The following NCAPG variants were observed in gnomAD, a reference collection of about 807,000 sequenced individuals.
The protein encoded by NCAPG is non-SMC condensin I complex subunit G.
Under a neutral mutation model 113.1 loss-of-function variants are expected in NCAPG, and 69 were observed. The observed-to-expected ratio is 0.61, with a 90% CI of 0.50 to 0.75. The LOEUF (loss-of-function observed/expected upper bound fraction) is 0.75. Ranked by LOEUF, NCAPG falls within the 30% of genes least tolerant of loss-of-function variation. The pLI is 0.00. For missense variants in NCAPG, 1,058 were observed against 1,177.0 expected, an observed-to-expected ratio of 0.90 and a Z score of 1.48; for synonymous variants, 370 against 415.8, an observed-to-expected ratio of 0.89 and a Z score of 1.34.
Position 17,837,706 on chromosome 4 carries a change from G to T in NCAPG, c.2371G>T (p.Ala791Ser). Residue 791 changes from alanine to serine, a missense_variant, in exon 16 of 21, where the codon GCT (alanine) becomes TCT (serine). Transcript: ENST00000251496. Reference protein sequence around the residue: ...LANAPASSPLAEIDITNVAEL... With the variant: ...LANAPASSPLSEIDITNVAEL... ...CAATGCCCCTGCATCTTCTCCTTTA[G>T]CTGAAATTGATATCACAAATGTTGC... 1 of 1,613,946 alleles carries T rather than the reference G, an allele frequency of 6.2e-7. No homozygotes were observed.
intron 6 of NCAPG, 83 bp from the exon 7 acceptor site, chr4:17,817,856 C>A: frequency 7.3e-7 from 1 of 1,360,688 alleles, no homozygotes; most frequent in Non-Finnish European, 9.8e-7. Context: ...TAAAGCAAAT[C>A]TTATTATTCT....
chr4:17,834,379 A>G lies in NCAPG; in HGVS notation c.1965A>G (p.Glu655=). The change falls in exon 14 of 21, where the codon GAA becomes GAG. Residue 655 remains glutamate, a synonymous_variant. Coordinates refer to ENST00000251496, the MANE Select transcript of NCAPG (RefSeq NM_022346.5). The stretch of plus-strand genomic sequence containing the variant: ...ACCAACTGATGACGTTCGGGATTGA[A>G]CCATTTAAAACTAAAAAAATCAAAA... ...IFDQLMTFGI[E]PFKTKKIKTL... is the part of the protein sequence containing the mutation. 6.2e-7 allele frequency: 1 copy of G among 1,610,270 alleles called. No individual in the cohort carries two copies. The highest frequency in any genetic ancestry group is 1.3e-5 in the African/African-American group (1 of 74,940).
At chr4:17,840,719 T>A (rs16895868) in intron 19 of NCAPG, 26 bp downstream of exon 19, 2 of 1,389,026 alleles carry the variant, frequency 1.4e-6, no homozygotes, top group Non-Finnish European at 1.9e-6. Context: ...ACCATCTTTA[T>A]GATAAAAGTT....
At chr4:17,834,752 A>G (rs1471514282) in intron 14 of NCAPG, among the ~76,000 whole-genome samples, 27 of 152,018 alleles carry the variant, frequency 1.8e-4, no homozygotes, top group Non-Finnish European at 7.4e-5. Flanking sequence ...CTATCCCCTG[A>G]TAGGTCCCAG....
intron 14 of NCAPG, among the ~76,000 whole-genome samples, chr4:17,835,090 T>C (rs555344605): frequency 1.3e-5 from 2 of 152,342 alleles, no homozygotes; most frequent in South Asian, 2.1e-4. Flanking sequence ...GGGTATGGGA[T>C]TGGATCTCTT....
At position 17,811,648 on chromosome 4, in the gene NCAPG, C is replaced by A. The variant is rs977582396; in HGVS notation, c.111+460C>A. On this transcript the variant is annotated intron_variant, in intron 1 of 20. Coordinates refer to ENST00000251496, the MANE Select transcript of NCAPG (RefSeq NM_022346.5). The surrounding 1 kb of genome is among the most constrained non-coding windows in gnomAD (Gnocchi z 5.3). ...CCTTGTCCTACGGTTACGTTGAATC[C>A]AATCACCAAATACCAAATTATTTTT... 1.3e-5 allele frequency among the ~76,000 whole-genome samples: 2 copies of A among 152,190 alleles called. No individual in the cohort carries two copies. The highest frequency in any genetic ancestry group is 2.9e-5 in the Non-Finnish European group (2 of 68,036).
chr4:17,831,095 A>G lies in NCAPG; in HGVS notation c.1863A>G (p.Lys621=). The G allele has an allele frequency of 6.2e-7, 1 of 1,613,484 alleles. No individual in the cohort carries two copies. Reference sequence around the variant, plus strand: ...TACAGAATCAGGATTTTGCAAGGAAACACTTCGTATTACTATTGCAGGTAG... The same window carrying G: ...TACAGAATCAGGATTTTGCAAGGAAGCACTTCGTATTACTATTGCAGGTAG... The part of the protein sequence containing the change: ...CGLQNQDFAR[K]HFVLLLQVLQ... Residue 621 remains lysine, a synonymous_variant, in exon 13 of 21, where the codon AAA becomes AAG. Transcript: ENST00000251496.
At chr4:17,836,479 C>T (rs987037050) in intron 14 of NCAPG, among the ~76,000 whole-genome samples, 1 of 151,958 alleles carries the variant, frequency 6.6e-6, no homozygotes, top group Non-Finnish European at 1.5e-5. Context: ...GTTGCTTCTG[C>T]TTTTGGTGTC....
intron 11 of NCAPG, among the ~76,000 whole-genome samples, chr4:17,827,782 A>T (rs1412341040): frequency 6.6e-6 from 1 of 150,406 alleles, no homozygotes; most frequent in Non-Finnish European, 1.5e-5. Flanking sequence ...TTGAGGTGAT[A>T]ATTAGGCAAG....
At chr4:17,832,254 G>A (rs1165264688) in intron 13 of NCAPG, among the ~76,000 whole-genome samples, 2 of 152,158 alleles carry the variant, frequency 1.3e-5, no homozygotes, top group South Asian at 2.1e-4. Flanking sequence ...ATGGAAGCAG[G>A]GATACTAATA....
Position 17,842,308 on chromosome 4 carries a change from AG to A in NCAPG, c.2855del. The stretch of plus-strand genomic sequence containing the variant: ...CTGATAATGAATTATACTATCTTCA[AG>A]GACAGAGAAAAGTGACAGTTTCAGC... On this transcript the variant is annotated splice_acceptor_variant, in intron 19 of 20. Coordinates refer to ENST00000251496, the MANE Select transcript of NCAPG (RefSeq NM_022346.5). LOFTEE classifies it high-confidence loss of function. 1 of 1,611,410 alleles carries A rather than the reference AG, an allele frequency of 6.2e-7. No homozygotes were observed.
rs769692325 is a variant in NCAPG at position 17,814,873 on chromosome 4, A to C, written c.565A>C (p.Asn189His). 2 of 1,614,198 alleles carry C rather than the reference A, an allele frequency of 1.2e-6. No individual in the cohort carries two copies. Among genetic ancestry groups the C allele is most frequent in the Non-Finnish European group, 1.7e-6 (2 of 1,180,020 alleles). ...VVNAYATLIE[N>H]DSNPEVRRAV... ...TTTAGCATATGCTACTTTGATTGAA[A>C]ATGATTCAAATCCAGAAGTTAGACG... is the stretch of plus-strand genomic sequence containing the variant. Residue 189 changes from asparagine (N) to histidine (H), a missense_variant, in exon 4 of 21, where the codon AAT becomes CAT. Transcript: ENST00000251496.
rs1721251813 is a variant in NCAPG at position 17,817,343 on chromosome 4, T to A, written c.858T>A (p.His286Gln). 6.2e-7 allele frequency: 1 copy of A among 1,614,002 alleles called. No homozygotes were observed. Residue 286 changes from histidine (H) to glutamine (Q), a missense_variant, in exon 6 of 21, where the codon CAT becomes CAA. His to Gln is a conservative substitution (Grantham distance 24). Coordinates refer to ENST00000251496, the MANE Select transcript of NCAPG (RefSeq NM_022346.5). ...AAGGAAATATCTTAGAGTTGCTCCA[T>A]CGGTTGGATGTAGAAAATTCTTCTG... ...FSEGNILELL[H>Q]RLDVENSSEV... is the part of the protein sequence containing the mutation.
chr4:17,817,162 C>G, intron 5 of NCAPG, 99 bp from the exon 6 acceptor site: 1 of 822,280 alleles, frequency 1.2e-6, no homozygotes, highest in Non-Finnish European at 1.9e-6. Context: ...TCTACTATTT[C>G]TATTGTAAAT....
rs1383199201 is a variant in NCAPG at position 17,828,357 on chromosome 4, G to A, written c.1733G>A (p.Ser578Asn). The A allele has an allele frequency of 3.1e-6, 5 of 1,606,886 alleles. No individual in the cohort carries two copies. The highest frequency in any genetic ancestry group is 4.3e-6 in the Non-Finnish European group (5 of 1,176,162). The part of the protein sequence containing the change: ...LKQMSISTGL[S>N]ATMNGIIESL... ...CAGATGTCCATTTCAACAGGCTTAAGTGCAACCATGAATGGAATCATCGAA... is the reference window on the plus strand; with the variant it reads ...CAGATGTCCATTTCAACAGGCTTAAATGCAACCATGAATGGAATCATCGAA... Residue 578 changes from serine (S) to asparagine (N), a missense_variant, in exon 12 of 21, where the codon AGT (serine) becomes AAT (asparagine). Coordinates refer to ENST00000251496, the MANE Select transcript of NCAPG (RefSeq NM_022346.5).
At chr4:17,837,089 A>G in intron 14 of NCAPG, 70 bp from the exon 15 acceptor site, 1 of 1,370,780 alleles carries the variant, frequency 7.3e-7, no homozygotes. Flanking sequence ...ATACTGTAGG[A>G]CAGGCTACAT....
chr4:17,843,273 A>G, intron 20 of NCAPG, 29 bp from the exon 21 acceptor site: 1 of 1,595,310 alleles, frequency 6.3e-7, no homozygotes, highest in Non-Finnish European at 8.5e-7. Context: ...GCTTGTATCT[A>G]AATTCGTGTA....
intron 7 of NCAPG, among the ~76,000 whole-genome samples, chr4:17,822,485 C>G (rs563304108): frequency 6.6e-6 from 1 of 151,918 alleles, no homozygotes. Context: ...CCACTGTGCC[C>G]GGCTGAAGAT....
At chr4:17,827,370 AG>A (rs1721691448) in intron 11 of NCAPG, among the ~76,000 whole-genome samples, 1 of 152,260 alleles carries the variant, frequency 6.6e-6, no homozygotes, top group Admixed American at 6.5e-5. Context: ...ATTGGAGAGT[AG>A]TAAAAGCTTA....
Sources: allele counts gnomAD v4.1 joint callset (sites outside exome capture counted in the v4.1 genomes callset), GRCh38; gene constraint gnomAD v4.1.1; non-coding constraint Gnocchi (gnomAD v3.1); transcripts MANE v1.5; gene names NCBI Gene and HGNC (gene_info 2026-07-23, HGNC 2026-07-21).